AGBL2: variants seen among roughly 807,000 people sequenced by gnomAD.
AGBL2 encodes the protein cytosolic carboxypeptidase 2.
AGBL2 carries 87 observed loss-of-function variants against 103.0 expected under a neutral mutation model. That is an observed-to-expected ratio of 0.84 (90% CI 0.71 to 1.01). The LOEUF is 1.01. Among genes scored for constraint, AGBL2 ranks in the 50% least tolerant of loss-of-function variants. The probability of loss-of-function intolerance (pLI) is 0.00; values close to 1 mark genes in which losing one functional copy is unlikely to be tolerated. For synonymous variants in AGBL2, 335 were observed against 356.7 expected (o/e 0.94, Z 0.69); for missense variants, 904 against 1,023.5 (o/e 0.88, Z 1.59).
intron 13 of AGBL2, among the ~76,000 whole-genome samples, chr11:47,679,057 TCAAAAAAAAAA>T (rs1196501375): frequency 9.0e-5 from 2 of 22,334 alleles, no homozygotes; most frequent in African/African-American, 9.8e-4. Context: ...AGACCCTGTC[TCAAAAAAAAAA>T]AAAAAAAAAA....
chr11:47,700,731 T>A (rs1345472843), intron 7 of AGBL2, among the ~76,000 whole-genome samples: 1 of 152,164 alleles, frequency 6.6e-6, no homozygotes, highest in Non-Finnish European at 1.5e-5. Context: ...TACATGAATT[T>A]ATTTTCTCGA....
At chr11:47,694,538 T>C (rs2097459807) in intron 8 of AGBL2, among the ~76,000 whole-genome samples, 1 of 152,170 alleles carries the variant, frequency 6.6e-6, no homozygotes, top group East Asian at 1.9e-4. Context: ...TCCTTGCCTA[T>C]TTGCTATCCC....
At chr11:47,664,537 G>A (rs2097336111) in intron 17 of AGBL2, among the ~76,000 whole-genome samples, 1 of 150,992 alleles carries the variant, frequency 6.6e-6, no homozygotes. Context: ...TCAGCCTCCC[G>A]AGTAGCTGGG....
At chr11:47,683,033 G>GAAGAGAAGAGAAAAAAAGAAAAGAAAA (rs2097407589) in intron 11 of AGBL2, among the ~76,000 whole-genome samples, 1 of 151,772 alleles carries the variant, frequency 6.6e-6, no homozygotes, top group South Asian at 2.1e-4. Flanking sequence ...AGAAAAAGAA[G>GAAGAGAAGAGAAAAAAAGAAAAGAAAA]AAGAGAAGAG....
intron 3 of AGBL2, among the ~76,000 whole-genome samples, chr11:47,712,229 C>G (rs760922259): frequency 4.6e-5 from 7 of 152,082 alleles, no homozygotes; most frequent in Non-Finnish European, 8.8e-5. Flanking sequence ...GGATTTAGTA[C>G]TATCAGTGGT....
At chr11:47,709,229 C>G (rs1469378312) in intron 4 of AGBL2, among the ~76,000 whole-genome samples, 3 of 151,762 alleles carry the variant, frequency 2.0e-5, no homozygotes, top group Non-Finnish European at 2.9e-5. Flanking sequence ...AAAAACACTG[C>G]TATGTGGAAA....
intron 7 of AGBL2, 88 bp from the exon 8 acceptor site, chr11:47,699,641 T>C: frequency 1.4e-6 from 1 of 706,218 alleles, no homozygotes; most frequent in South Asian, 2.3e-5. Flanking sequence ...TAATAATTTT[T>C]CAAATGGCTA....
intron 16 of AGBL2, 128 bp from the exon 17 acceptor site, chr11:47,667,191 G>T (rs2153802721): frequency 3.0e-6 from 2 of 671,288 alleles, no homozygotes; most frequent in Non-Finnish European, 5.0e-6. Flanking sequence ...TGGTGGGAGT[G>T]TGGCAGCTTG....
chr11:47,675,475 C>G (rs35016821), intron 14 of AGBL2, among the ~76,000 whole-genome samples: 1 of 147,242 alleles, frequency 6.8e-6, no homozygotes, highest in Non-Finnish European at 1.5e-5. Flanking sequence ...ACCTCCACCT[C>G]TCGGGTTCAG....
At chr11:47,710,283 G>A in intron 4 of AGBL2, 94 bp downstream of exon 4, 1 of 1,499,566 alleles carries the variant, frequency 6.7e-7, no homozygotes, top group Non-Finnish European at 9.2e-7. Context: ...GCTGCTCCCT[G>A]GCCTCTCCCA....
intron 17 of AGBL2, among the ~76,000 whole-genome samples, chr11:47,665,952 T>C (rs1433098043): frequency 6.6e-6 from 1 of 151,974 alleles, no homozygotes; most frequent in African/African-American, 2.4e-5. Flanking sequence ...GAGGTTGTAG[T>C]GAGCTGAGAT....
At chr11:47,693,636 T>C (rs913187281) in intron 8 of AGBL2, among the ~76,000 whole-genome samples, 1 of 152,222 alleles carries the variant, frequency 6.6e-6, no homozygotes, top group Non-Finnish European at 1.5e-5. Context: ...CGTAGTGTTT[T>C]GAAATCAAGA....
chr11:47,687,944 A>T lies in AGBL2; in HGVS notation c.1632-1895T>A, dbSNP rs376560576. 4.6e-5 allele frequency among the ~76,000 whole-genome samples: 7 copies of T among 151,428 alleles called. No individual in the cohort carries two copies. The South Asian group carries it at 1.5e-3, about 32-fold the overall frequency. On this transcript the variant is annotated intron_variant, in intron 10 of 18. Coordinates refer to ENST00000525123, the MANE Select transcript of AGBL2 (RefSeq NM_024783.4). ...TGCTTCAGCCTCCTGAGTAGCTGGGATTACAGGCGTGCACCACCATGCCAG... is the reference window on the plus strand; with the variant it reads ...TGCTTCAGCCTCCTGAGTAGCTGGGTTTACAGGCGTGCACCACCATGCCAG...
chr11:47,714,590 T>G, intron 2 of AGBL2, 28 bp downstream of exon 2: 1 of 1,612,664 alleles, frequency 6.2e-7, no homozygotes, highest in Non-Finnish European at 8.5e-7. Context: ...CGAAGAAATT[T>G]CTGTGGCTTT....
chr11:47,714,476 C>A, intron 2 of AGBL2, 129 bp from the exon 3 acceptor site: 1 of 1,308,626 alleles, frequency 7.6e-7, no homozygotes, highest in Non-Finnish European at 1.1e-6. Context: ...GCGAATTATT[C>A]TATCGTGGGG....
At chr11:47,660,678 CGAG>C (rs1266869082) in intron 18 of AGBL2, among the ~76,000 whole-genome samples, 1 of 151,726 alleles carries the variant, frequency 6.6e-6, no homozygotes, top group Non-Finnish European at 1.5e-5. Flanking sequence ...CTCAGCCTCC[CGAG>C]GAGCTGGGAC....
chr11:47,677,338 C>T lies in AGBL2; in HGVS notation c.2080G>A (p.Glu694Lys). 1 of 1,611,932 alleles carries T rather than the reference C, an allele frequency of 6.2e-7. No homozygotes were observed. Among genetic ancestry groups the T allele is most frequent in the Non-Finnish European group, 8.5e-7 (1 of 1,178,766 alleles). Residue 694 changes from glutamate to lysine, a missense_variant, in exon 14 of 19, where the codon GAA becomes AAA. Transcript: ENST00000525123. ...TCTAAATCTACATCTTGTCCAAGTT[C>T]ATGGAATTTCTTGTGGATTTCCTGT... ...LRQEIHKKFHELGQDVDLEGS... is the reference protein window; with the variant it reads ...LRQEIHKKFHKLGQDVDLEGS...
intron 14 of AGBL2, among the ~76,000 whole-genome samples, chr11:47,669,858 G>A (rs563345785): frequency 2.0e-5 from 3 of 152,158 alleles, no homozygotes; most frequent in South Asian, 2.1e-4. Flanking sequence ...TGATCCTCCC[G>A]CCTCGGCCTC....
rs750135612 is a variant in AGBL2, at chr11:47,690,525, G to A, written c.1182C>T (p.His394=). The A allele has an allele frequency of 1.9e-6, 3 of 1,614,182 alleles. No homozygotes were observed. In the South Asian group the frequency reaches 3.3e-5, roughly 18 times the overall value. Residue 394 remains histidine (H), a synonymous_variant, in exon 10 of 19, where the codon CAC becomes CAT. Coordinates refer to ENST00000525123, the MANE Select transcript of AGBL2 (RefSeq NM_024783.4). The part of the protein sequence containing the change: ...PYDQDTCFFA[H]FYPYTYTDLQ... ...AATCAGTGTATGTATATGGGTAGAA[G>A]TGTGCAAAGAAGCAAGTGTCCTGGT... is the stretch of plus-strand genomic sequence containing the variant.
Sources: allele counts gnomAD v4.1 joint callset (sites outside exome capture counted in the v4.1 genomes callset), GRCh38; gene constraint gnomAD v4.1.1; transcripts MANE v1.5; gene names NCBI Gene and HGNC (gene_info 2026-07-23, HGNC 2026-07-21).